Variants in PCSK5 observed in about 807,000 individuals in gnomAD.
The protein encoded by PCSK5 is proprotein convertase subtilisin/kexin type 5, also known as prohormone convertase 5.
Under a neutral mutation model 233.2 loss-of-function variants are expected in PCSK5, and 129 were observed. The ratio of observed to expected loss-of-function variants is 0.55; its 90% CI spans 0.48 to 0.64. The LOEUF (loss-of-function observed/expected upper bound fraction) is 0.64, where lower values mean the gene tolerates loss of function less well. Ranked by LOEUF, PCSK5 falls within the 30% of genes least tolerant of loss-of-function variation. The pLI is 0.00. For synonymous variants in PCSK5, 825 were observed against 879.2 expected (o/e 0.94, Z 1.09); for missense variants, 2,076 against 2,430.1 (o/e 0.85, Z 3.06).
At chr9:76,304,454 A>G (rs547501146) in intron 28 of PCSK5, among the ~76,000 whole-genome samples, 2 of 152,352 alleles carry the variant, frequency 1.3e-5, no homozygotes, top group Admixed American at 1.3e-4. Context: ...AGAGGGGAGT[A>G]AAACAAGCCT....
intron 20 of PCSK5, chr9:76,193,772 C>T (rs1008015127): frequency 1.9e-5 from 3 of 157,322 alleles, no homozygotes; most frequent in African/African-American, 7.2e-5. Flanking sequence ...CAAAACATCG[C>T]GAGAGCATAC....
At chr9:75,959,173 AG>A (rs1825225403) in intron 2 of PCSK5, among the ~76,000 whole-genome samples, 1 of 152,226 alleles carries the variant, frequency 6.6e-6, no homozygotes. Context: ...TTTCCAGAGA[AG>A]GGAAGACTCT....
chr9:76,071,958 G>C, intron 7 of PCSK5, 60 bp downstream of exon 7: 2 of 1,475,232 alleles, frequency 1.4e-6, no homozygotes, highest in East Asian at 2.4e-5. Context: ...CTCATATGAA[G>C]AATCTATGGG....
chr9:76,261,802 CTGTT>C (rs1425354061), intron 24 of PCSK5, among the ~76,000 whole-genome samples: 2 of 152,264 alleles, frequency 1.3e-5, no homozygotes, highest in South Asian at 2.1e-4. Flanking sequence ...ATTTGGCTCT[CTGTT>C]TGTCTGTTAT....
Position 76,061,950 on chromosome 9 carries a change from G to A in PCSK5, c.633-6005G>A, listed in dbSNP as rs570926382. The stretch of plus-strand genomic sequence containing the variant: ...AATGATATAATCAAATGCCAGAATG[G>A]GAAGATAATTATGAGTACATCAAAA... On this transcript the variant is annotated intron_variant, in intron 5 of 37. Coordinates refer to ENST00000674117, the MANE Select transcript of PCSK5 (RefSeq NM_001372043.1). Among the ~76,000 whole-genome samples, 7 of 152,196 alleles carry A rather than the reference G, an allele frequency of 4.6e-5. No individual in the cohort carries two copies. The South Asian group carries it at 1.5e-3, about 32-fold the overall frequency.
In PCSK5 at chr9:76,046,029, G is replaced by A. The variant is rs553019696; in HGVS notation, c.632+18992G>A. On this transcript the variant is annotated intron_variant, in intron 5 of 37. Transcript: ENST00000674117. ...AGAATGAAGAATATTATAAATAAAT[G>A]CTTTAGCATACAGTGGTTAAGCATT... 2.4e-4 allele frequency among the ~76,000 whole-genome samples: 36 copies of A among 152,122 alleles called. No individual in the cohort carries two copies. The South Asian group carries it at 7.3e-3, about 31-fold the overall frequency.
At chr9:75,919,372 G>A (rs546110990) in intron 1 of PCSK5, among the ~76,000 whole-genome samples, 2 of 152,280 alleles carry the variant, frequency 1.3e-5, no homozygotes, top group East Asian at 1.9e-4. Context: ...AGGGCATTGG[G>A]TTGTTTCCAG....
At chr9:76,053,573 A>G (rs10118848) in intron 5 of PCSK5, among the ~76,000 whole-genome samples, 43,910 of 152,114 alleles carry the variant, frequency 0.29, 7,617 homozygotes, top group African/African-American at 0.48. Flanking sequence ...TCAAATTTCC[A>G]TAGATCTCTA....
intron 9 of PCSK5, among the ~76,000 whole-genome samples, chr9:76,118,752 A>G (rs1172392953): frequency 6.6e-6 from 1 of 152,008 alleles, no homozygotes; most frequent in Admixed American, 6.6e-5. Context: ...TACAAAACAT[A>G]TATATAAATC....
At chr9:76,196,029 G>A (rs911287789) in intron 20 of PCSK5, 5 of 152,206 alleles carry the variant, frequency 3.3e-5, no homozygotes, top group African/African-American at 1.2e-4. Flanking sequence ...AAAAGAAAGA[G>A]TGAGCAGAGG....
intron 24 of PCSK5, among the ~76,000 whole-genome samples, chr9:76,267,163 G>A (rs1827358258): frequency 6.6e-6 from 1 of 152,120 alleles, no homozygotes; most frequent in Non-Finnish European, 1.5e-5. Flanking sequence ...AGGGCCACCA[G>A]CCTTCTAAAA....
Position 76,110,635 on chromosome 9 carries a change from G to A in PCSK5, c.1208+3284G>A, listed in dbSNP as rs368108685. Reference sequence around the variant, plus strand: ...CCCTTGAGCCCAGGAGTTCAAGGCTGCAGTGAGCTATGATCACACCATTGC... The same window carrying A: ...CCCTTGAGCCCAGGAGTTCAAGGCTACAGTGAGCTATGATCACACCATTGC... On this transcript the variant is annotated intron_variant, in intron 9 of 37. Transcript: ENST00000674117. Among the ~76,000 whole-genome samples the A allele has an allele frequency of 6.6e-5, 10 of 152,060 alleles. No homozygotes were observed. The East Asian group carries it at 1.7e-3, about 27-fold the overall frequency.
intron 1 of PCSK5, among the ~76,000 whole-genome samples, chr9:75,912,356 G>C (rs1026416513): frequency 1.3e-5 from 2 of 152,220 alleles, no homozygotes; most frequent in African/African-American, 4.8e-5. Flanking sequence ...TTCTGAGTGA[G>C]CAAGAGAGTG....
intron 35 of PCSK5, among the ~76,000 whole-genome samples, chr9:76,342,799 G>T (rs10869755): frequency 0.39 from 58,786 of 151,324 alleles, 11,908 homozygotes; most frequent in East Asian, 0.75. Context: ...GCTCCCTATT[G>T]GGATAAATGG....
intron 24 of PCSK5, among the ~76,000 whole-genome samples, chr9:76,282,285 T>A (rs1357206912): frequency 6.6e-6 from 1 of 150,808 alleles, no homozygotes; most frequent in African/African-American, 2.4e-5. Context: ...GCCTGGCCAA[T>A]TTTTTATTTT....
chr9:76,124,950 C>G (rs147530545), intron 9 of PCSK5, among the ~76,000 whole-genome samples: 5 of 152,104 alleles, frequency 3.3e-5, no homozygotes, highest in African/African-American at 1.2e-4. Context: ...GATTCCTTTT[C>G]CCTGCACTGT....
In PCSK5 at chr9:76,362,302, G is replaced by A. The variant is rs1008705210; in HGVS notation, c.*3380G>A. The A allele has an allele frequency of 7.2e-5, 11 of 152,142 alleles. No homozygotes were observed. Among genetic ancestry groups the A allele is most frequent in the African/African-American group, 2.7e-4 (11 of 41,432 alleles). The allele number at this position is 152,142 out of a possible 1,614,324, so 9.4% of individuals were successfully genotyped here. ...CATGGGAGGTTCCAGTTAATAGAAA[G>A]TAATTTTAAAATTGGAAATAAAATT... On this transcript the variant is annotated 3_prime_UTR_variant, in exon 38 of 38. Coordinates refer to ENST00000674117, the MANE Select transcript of PCSK5 (RefSeq NM_001372043.1).
intron 3 of PCSK5, among the ~76,000 whole-genome samples, chr9:76,006,150 C>T (rs114395126): frequency 0.014 from 2,195 of 151,990 alleles, 47 homozygotes; most frequent in African/African-American, 0.049. Flanking sequence ...CACAACCCTG[C>T]TTTGCCCCAA....
intron 29 of PCSK5, 26 bp from the exon 30 acceptor site, chr9:76,310,630 A>C: frequency 6.8e-7 from 1 of 1,480,158 alleles, no homozygotes; most frequent in Non-Finnish European, 9.1e-7. Context: ...GACTATTCCC[A>C]TCTTCCCTCT....
Sources: gnomAD v4.1 joint callset for allele counts (sites outside exome capture counted in the v4.1 genomes callset) on GRCh38, gnomAD v4.1.1 for gene constraint, MANE v1.5 for transcripts, NCBI Gene and HGNC (gene_info 2026-07-23, HGNC 2026-07-21) for gene names.